Variants in DPP10 observed in about 807,000 individuals in gnomAD.
DPP10 encodes inactive dipeptidyl peptidase 10.
Under a neutral mutation model 120.9 loss-of-function variants are expected in DPP10, and 33 were observed. The ratio of observed to expected loss-of-function variants is 0.27; its 90% confidence interval spans 0.21 to 0.37. The LOEUF (loss-of-function observed/expected upper bound fraction) is 0.37. Among genes scored for constraint, DPP10 ranks in the 10% least tolerant of loss-of-function variants. The pLI, the probability that DPP10 is intolerant of heterozygous loss-of-function variation, is 1.00. For missense variants in DPP10, 816 were observed against 942.8 expected (o/e 0.87, Z 1.76); for synonymous variants, 337 against 326.1 (o/e 1.03, Z -0.36).
At chr2:115,241,058 C>A (rs997097509) in intron 1 of DPP10, among the ~76,000 whole-genome samples, 1 of 152,086 alleles carries the variant, frequency 6.6e-6, no homozygotes, top group Non-Finnish European at 1.5e-5. Context: ...ATCACGAGGT[C>A]AGGAGTTCGA....
chr2:115,532,556 A>G (rs2078536357), intron 5 of DPP10, among the ~76,000 whole-genome samples: 3 of 152,072 alleles, frequency 2.0e-5, no homozygotes, highest in South Asian at 4.1e-4. Context: ...GATTTTCAAT[A>G]CTCAGTACTT....
intron 11 of DPP10, among the ~76,000 whole-genome samples, chr2:115,759,395 A>G (rs13026711): frequency 0.27 from 40,678 of 149,052 alleles, 5,800 homozygotes; most frequent in Middle Eastern, 0.43. Flanking sequence ...CCATTTCTAT[A>G]TAAAAAAAAA....
At chr2:115,763,583 A>G (rs1316859189) in intron 12 of DPP10, among the ~76,000 whole-genome samples, 1 of 152,048 alleles carries the variant, frequency 6.6e-6, no homozygotes, top group African/African-American at 2.4e-5. Flanking sequence ...ACTTTCAAAC[A>G]TCTCTCAAGT....
intron 1 of DPP10, among the ~76,000 whole-genome samples, chr2:114,716,317 T>C (rs1284996968): frequency 6.6e-6 from 1 of 152,218 alleles, no homozygotes; most frequent in Non-Finnish European, 1.5e-5. Context: ...TTTAATGCCT[T>C]TAATATAAAC....
At chr2:114,969,440 T>C (rs1699249116) in intron 1 of DPP10, among the ~76,000 whole-genome samples, 1 of 152,216 alleles carries the variant, frequency 6.6e-6, no homozygotes, top group Non-Finnish European at 1.5e-5. Flanking sequence ...TATCAGGAAA[T>C]ATATATATGT....
At chr2:114,483,667 C>A (rs1418965269) in intron 1 of DPP10, among the ~76,000 whole-genome samples, 2 of 152,126 alleles carry the variant, frequency 1.3e-5, no homozygotes, top group Admixed American at 6.6e-5. Flanking sequence ...CTCACGCTAG[C>A]TGATCCTTGA....
chr2:115,287,585 G>T (rs1464597058), intron 1 of DPP10, among the ~76,000 whole-genome samples: 1 of 152,014 alleles, frequency 6.6e-6, no homozygotes, highest in Non-Finnish European at 1.5e-5. Context: ...TAGGATAATG[G>T]CCTCCAGTTC....
intron 1 of DPP10, among the ~76,000 whole-genome samples, chr2:114,806,541 A>G (rs1684729560): frequency 1.3e-5 from 2 of 152,212 alleles, no homozygotes; most frequent in South Asian, 4.1e-4. Context: ...TTGTCGTAAT[A>G]CCTGGGAATG....
At chr2:114,630,078 G>T (rs751432814) in intron 1 of DPP10, among the ~76,000 whole-genome samples, 5 of 151,990 alleles carry the variant, frequency 3.3e-5, no homozygotes, top group Non-Finnish European at 7.4e-5. Context: ...GATAAAATTT[G>T]GACGATTATA....
chr2:114,545,678 C>T (rs1687333460), intron 1 of DPP10, among the ~76,000 whole-genome samples: 1 of 152,162 alleles, frequency 6.6e-6, no homozygotes, highest in Non-Finnish European at 1.5e-5. Flanking sequence ...AAGTTTTACC[C>T]ACTCTATAAA....
At chr2:114,739,002 G>C (rs1283231820) in intron 1 of DPP10, among the ~76,000 whole-genome samples, 3 of 152,118 alleles carry the variant, frequency 2.0e-5, no homozygotes, top group African/African-American at 7.2e-5. Context: ...ACTAGAAATA[G>C]AGTTTCCCTT....
intron 1 of DPP10, among the ~76,000 whole-genome samples, chr2:114,716,574 C>G (rs1156614097): frequency 1.3e-5 from 2 of 152,328 alleles, no homozygotes; most frequent in Non-Finnish European, 2.9e-5. Flanking sequence ...ATAGCAGTTT[C>G]ACCTAATTGG....
At chr2:115,519,178 T>C (rs1478981277) in intron 4 of DPP10, among the ~76,000 whole-genome samples, 1 of 152,172 alleles carries the variant, frequency 6.6e-6, no homozygotes, top group Non-Finnish European at 1.5e-5. Context: ...AATTTCCACT[T>C]TCTGCGAAAA....
At chr2:115,432,220 G>A (rs113309250) in intron 3 of DPP10, among the ~76,000 whole-genome samples, 11,554 of 152,122 alleles carry the variant, frequency 0.076, 508 homozygotes, top group Middle Eastern at 0.13. Flanking sequence ...ACTTAATAGT[G>A]TTAGCAGGAA....
At chr2:115,293,681 G>GAA (rs1425065779) in intron 1 of DPP10, among the ~76,000 whole-genome samples, 3 of 152,084 alleles carry the variant, frequency 2.0e-5, no homozygotes, top group Non-Finnish European at 4.4e-5. Flanking sequence ...CCTGTAAGTG[G>GAA]AAAGACAGGC....
At chr2:114,497,314 T>C (rs1280670035) in intron 1 of DPP10, among the ~76,000 whole-genome samples, 6 of 33,564 alleles carry the variant, frequency 1.8e-4, no homozygotes, top group African/African-American at 4.4e-4. Flanking sequence ...TGTATACATG[T>C]ACATGTATAC....
chr2:114,755,200 CA>C (rs1308412938), intron 1 of DPP10, among the ~76,000 whole-genome samples: 1 of 152,126 alleles, frequency 6.6e-6, no homozygotes, highest in African/African-American at 2.4e-5. Flanking sequence ...GTCCAGTTTC[CA>C]TTCATTAACT....
intron 1 of DPP10, among the ~76,000 whole-genome samples, chr2:114,665,900 A>G (rs984429985): frequency 1.3e-5 from 2 of 152,210 alleles, no homozygotes; most frequent in African/African-American, 4.8e-5. Flanking sequence ...GCCTGGAAAA[A>G]GCAGACTTGC....
At chr2:115,743,916 T>C (rs542959472) in intron 9 of DPP10, among the ~76,000 whole-genome samples, 1 of 150,772 alleles carries the variant, frequency 6.6e-6, no homozygotes, top group East Asian at 1.9e-4. Context: ...ATCAGCTTCA[T>C]GCTGGAGGTG....
Sources: gnomAD v4.1 joint callset for allele counts (sites outside exome capture counted in the v4.1 genomes callset) on GRCh38, gnomAD v4.1.1 for gene constraint, MANE v1.5 for transcripts, NCBI Gene and HGNC (gene_info 2026-07-23, HGNC 2026-07-21) for gene names.